The following GLRA3 variants were observed in gnomAD, a reference collection of about 807,000 sequenced individuals.
The protein encoded by GLRA3 is glycine receptor subunit alpha-3.
GLRA3 carries 44 observed loss-of-function variants against 60.4 expected under a neutral mutation model. That is an observed-to-expected ratio of 0.73 (90% CI 0.57 to 0.94). The LOEUF (loss-of-function observed/expected upper bound fraction) is 0.94, where lower values mean the gene tolerates loss of function less well. Ranked by LOEUF, GLRA3 falls within the 40% of genes least tolerant of loss-of-function variation. GLRA3 has a pLI of 0.00. For synonymous variants in GLRA3, 223 were observed against 192.9 expected, an observed-to-expected ratio of 1.16 and a Z score of -1.29; for missense variants, 508 against 564.6, an observed-to-expected ratio of 0.90 and a Z score of 1.02.
At chr4:174,757,040 T>C (rs755561020) in intron 3 of GLRA3, among the ~76,000 whole-genome samples, 3 of 152,166 alleles carry the variant, frequency 2.0e-5, no homozygotes, top group Non-Finnish European at 4.4e-5. Context: ...TTATTTAGCA[T>C]TGTACAGGAG....
At chr4:174,799,461 A>G (rs1739721289) in intron 1 of GLRA3, among the ~76,000 whole-genome samples, 1 of 152,208 alleles carries the variant, frequency 6.6e-6, no homozygotes, top group Non-Finnish European at 1.5e-5. Context: ...GTGGCAATAA[A>G]TTCCGTAAGT....
chr4:174,757,061 G>T (rs1050883053), intron 3 of GLRA3, among the ~76,000 whole-genome samples: 30 of 152,198 alleles, frequency 2.0e-4, no homozygotes, highest in African/African-American at 7.2e-4. Context: ...TTCTGAACCA[G>T]TGCAATAAGG....
In GLRA3 at chr4:174,694,096, T is replaced by C. The variant is rs116301798; in HGVS notation, c.575-11157A>G. Among the ~76,000 whole-genome samples, 1,095 of 152,220 alleles carry C rather than the reference T, an allele frequency of 7.2e-3. 13 individuals are homozygous for C. Among genetic ancestry groups the C allele is most frequent in the African/African-American group, 0.025 (1,043 of 41,548 alleles). On this transcript the variant is annotated intron_variant, in intron 5 of 9. Coordinates refer to ENST00000274093, the MANE Select transcript of GLRA3 (RefSeq NM_006529.4). ...CATTGAGATTCATAAAGCAAGTTCTTAGAGACCTACAAAGAGAAACAGACT... is the reference window on the plus strand; with the variant it reads ...CATTGAGATTCATAAAGCAAGTTCTCAGAGACCTACAAAGAGAAACAGACT...
At chr4:174,655,701 T>G (rs1031673224) in intron 9 of GLRA3, among the ~76,000 whole-genome samples, 4 of 152,040 alleles carry the variant, frequency 2.6e-5, no homozygotes, top group Admixed American at 2.6e-4. Context: ...GTTAAGATAA[T>G]CAAATAAAAG....
chr4:174,688,105 T>G (rs943682862), intron 5 of GLRA3, among the ~76,000 whole-genome samples: 1 of 151,792 alleles, frequency 6.6e-6, no homozygotes, highest in Non-Finnish European at 1.5e-5. Flanking sequence ...TGGCACATAA[T>G]TAACTATGTG....
At chr4:174,770,967 C>A (rs1316816738) in intron 2 of GLRA3, among the ~76,000 whole-genome samples, 7 of 151,218 alleles carry the variant, frequency 4.6e-5, no homozygotes, top group Non-Finnish European at 7.4e-5. Flanking sequence ...TCATTCTCAG[C>A]AAACTATCGC....
intron 1 of GLRA3, among the ~76,000 whole-genome samples, chr4:174,815,103 T>A (rs1418049741): frequency 1.3e-5 from 2 of 152,138 alleles, no homozygotes; most frequent in Admixed American, 1.3e-4. Context: ...ATGGAAGAAA[T>A]TGAGCAAAAC....
chr4:174,691,398 T>A (rs1238024456), intron 5 of GLRA3, among the ~76,000 whole-genome samples: 1 of 151,954 alleles, frequency 6.6e-6, no homozygotes, highest in African/African-American at 2.4e-5. Flanking sequence ...CTCCCCACGG[T>A]CTCCCTCTCC....
intron 1 of GLRA3, among the ~76,000 whole-genome samples, chr4:174,817,764 A>G (rs1740568097): frequency 6.6e-6 from 1 of 151,854 alleles, no homozygotes; most frequent in South Asian, 2.1e-4. Context: ...GCACCACAAC[A>G]CCCAGCTAAT....
chr4:174,675,451 C>A (rs1019275687), intron 7 of GLRA3, among the ~76,000 whole-genome samples: 7 of 152,102 alleles, frequency 4.6e-5, no homozygotes, highest in Non-Finnish European at 8.8e-5. Flanking sequence ...ATCTAAACGT[C>A]TTTCTGTTGT....
chr4:174,770,929 G>A (rs1331318806), intron 2 of GLRA3, among the ~76,000 whole-genome samples: 1 of 152,042 alleles, frequency 6.6e-6, no homozygotes, highest in Middle Eastern at 3.4e-3. Flanking sequence ...CATGTCCTTT[G>A]TAGGGACATG....
At chr4:174,719,954 C>T (rs1257842493) in intron 4 of GLRA3, among the ~76,000 whole-genome samples, 1 of 145,552 alleles carries the variant, frequency 6.9e-6, no homozygotes, top group East Asian at 2.0e-4. Context: ...GTTAAAAATA[C>T]ATATTCTCAT....
At chr4:174,762,831 C>CA (rs1346873353) in intron 3 of GLRA3, among the ~76,000 whole-genome samples, 18 of 152,218 alleles carry the variant, frequency 1.2e-4, no homozygotes, top group East Asian at 5.8e-4. Context: ...CTACCCAGAT[C>CA]AAAAAATAGA....
intron 3 of GLRA3, among the ~76,000 whole-genome samples, chr4:174,756,362 A>G (rs1320288597): frequency 6.6e-6 from 1 of 152,200 alleles, no homozygotes; most frequent in Non-Finnish European, 1.5e-5. Flanking sequence ...ACCAAATATT[A>G]GAAATTTAAA....
chr4:174,817,072 T>C (rs1460927999), intron 1 of GLRA3, among the ~76,000 whole-genome samples: 1 of 152,182 alleles, frequency 6.6e-6, no homozygotes, highest in East Asian at 1.9e-4. Context: ...AGAATGCATC[T>C]GGAGCCTCTG....
At chr4:174,654,174 T>C (rs776476393) in intron 9 of GLRA3, among the ~76,000 whole-genome samples, 2 of 152,166 alleles carry the variant, frequency 1.3e-5, no homozygotes, top group Non-Finnish European at 2.9e-5. Context: ...AATTAGTGTA[T>C]ATGGATGCCA....
intron 9 of GLRA3, among the ~76,000 whole-genome samples, chr4:174,648,623 A>AG (rs1307455492): frequency 6.6e-6 from 1 of 152,130 alleles, no homozygotes; most frequent in African/African-American, 2.4e-5. Flanking sequence ...TACCCAAACC[A>AG]TATCCCCCAA....
At position 174,643,013 on chromosome 4, in the gene GLRA3, G is replaced by A. The variant is rs958401069; in HGVS notation, c.*773C>T. ...AAAAACAAGGGTGCTGGCTTGAATTGTTCAATGTTTGGCAATAACTAAAAA... is the reference window on the plus strand; with the variant it reads ...AAAAACAAGGGTGCTGGCTTGAATTATTCAATGTTTGGCAATAACTAAAAA... On this transcript the variant is annotated 3_prime_UTR_variant, in exon 10 of 10. Coordinates refer to ENST00000274093, the MANE Select transcript of GLRA3 (RefSeq NM_006529.4). 18 of 927,348 alleles carry A rather than the reference G, an allele frequency of 1.9e-5. No homozygotes were observed. The African/African-American group carries it at 3.1e-4, about 16-fold the overall frequency. 57.4% of individuals were successfully genotyped at this position (927,348 alleles called of 1,614,324 possible). A position where few individuals can be genotyped will look rare whatever the true frequency, so the allele number is the denominator to read the frequency against.
At chr4:174,809,498 C>T (rs1250034600) in intron 1 of GLRA3, among the ~76,000 whole-genome samples, 1 of 152,072 alleles carries the variant, frequency 6.6e-6, no homozygotes, top group Non-Finnish European at 1.5e-5. Flanking sequence ...TTTGGGAAGC[C>T]AAAGCAGGTG....
Sources: gnomAD v4.1 joint callset for allele counts (sites outside exome capture counted in the v4.1 genomes callset) on GRCh38, gnomAD v4.1.1 for gene constraint, MANE v1.5 for transcripts, NCBI Gene and HGNC (gene_info 2026-07-23, HGNC 2026-07-21) for gene names.